Variants in CCDC175 observed in about 807,000 individuals in gnomAD.
CCDC175 encodes coiled-coil domain containing 175.
In CCDC175, 100 loss-of-function variants were observed where a neutral mutation model predicts 114.6. That is an observed-to-expected ratio of 0.87 (90% CI 0.74 to 1.03). The LOEUF is 1.03. Among genes scored for constraint, CCDC175 ranks in the 50% least tolerant of loss-of-function variants. CCDC175 has a pLI of 0.00. For synonymous variants in CCDC175, 306 were observed against 308.7 expected (o/e 0.99, Z 0.09); for missense variants, 880 against 917.8 (o/e 0.96, Z 0.53).
Position 59,558,829 on chromosome 14 carries a change from G to A in CCDC175, c.953+2290C>T, listed in dbSNP as rs115643722. ...CACGAGACTGAATAAAATCACATTG[G>A]GAGGGTATGAGCAGAGAATAGTGAA... On this transcript the variant is annotated intron_variant, in intron 7 of 19. Coordinates refer to ENST00000537690, the MANE Select transcript of CCDC175 (RefSeq NM_001164399.2). Among the ~76,000 whole-genome samples, 606 of 152,208 alleles carry A rather than the reference G, an allele frequency of 4.0e-3. 2 individuals are homozygous for A. The highest frequency in any genetic ancestry group is 0.014 in the African/African-American group (567 of 41,542).
intron 19 of CCDC175, among the ~76,000 whole-genome samples, chr14:59,509,059 G>C (rs188922858): frequency 1.3e-5 from 2 of 152,146 alleles, no homozygotes; most frequent in African/African-American, 4.8e-5. Flanking sequence ...TTATCCATCA[G>C]ACCTCAAAAT....
intron 16 of CCDC175, among the ~76,000 whole-genome samples, chr14:59,522,554 T>C (rs922471503): frequency 2.0e-5 from 3 of 152,232 alleles, no homozygotes; most frequent in African/African-American, 7.2e-5. Context: ...ACTCTTGTGC[T>C]TCTCCCAAAC....
intron 18 of CCDC175, among the ~76,000 whole-genome samples, chr14:59,511,548 T>TAAAAAAAAAAAAAAAAAAA (rs34490884): frequency 2.1e-5 from 2 of 94,648 alleles, no homozygotes; most frequent in East Asian, 3.0e-4. Flanking sequence ...TGATATTTGG[T>TAAAAAAAAAAAAAAAAAAA]AAAAAAAAAA....
chr14:59,540,792 G>C (rs141809231), intron 10 of CCDC175, 46 bp from the exon 11 acceptor site: 3 of 1,425,072 alleles, frequency 2.1e-6, no homozygotes, highest in East Asian at 5.0e-5. Context: ...GGAGCTGTTA[G>C]AATATACAAT....
At chr14:59,505,445 T>G in intron 19 of CCDC175, 130 bp from the exon 20 acceptor site, 1 of 334,234 alleles carries the variant, frequency 3.0e-6, no homozygotes, top group Non-Finnish European at 4.9e-6. Flanking sequence ...CGGGGTAGAG[T>G]AGGGAGGGGT....
chr14:59,571,668 T>C (rs1896857986), intron 3 of CCDC175, among the ~76,000 whole-genome samples: 2 of 152,212 alleles, frequency 1.3e-5, no homozygotes, highest in Admixed American at 6.5e-5. Flanking sequence ...CCCTTGTGCA[T>C]TGTTGGTGGA....
Position 59,512,806 on chromosome 14 carries a change from GT to G in CCDC175, c.2099-1004del, listed in dbSNP as rs1256640188. On this transcript the variant is annotated intron_variant, in intron 17 of 19. Coordinates refer to ENST00000537690, the MANE Select transcript of CCDC175 (RefSeq NM_001164399.2). ...AAACCCAATTAAGATCTCAGCAGGGGTGTGTGTGTGTGTGTGTGTGTGTGTG... is the reference window on the plus strand; with the variant it reads ...AAACCCAATTAAGATCTCAGCAGGGGGTGTGTGTGTGTGTGTGTGTGTGTG... Among the ~76,000 whole-genome samples, 11 of 1,762 alleles carry G rather than the reference GT, an allele frequency of 6.2e-3. No homozygotes were observed. In the South Asian group the frequency reaches 0.15, roughly 25 times the overall value. 1.2% of individuals were successfully genotyped at this position (1,762 alleles called of 152,430 possible).
chr14:59,541,903 G>T (rs1023270906), intron 10 of CCDC175, among the ~76,000 whole-genome samples: 6 of 152,158 alleles, frequency 3.9e-5, no homozygotes, highest in Non-Finnish European at 5.9e-5. Context: ...TTTATTAGTA[G>T]TTCGTAGTTT....
Position 59,576,756 on chromosome 14 carries a change from G to A in CCDC175, c.20C>T (p.Thr7Ile), listed in dbSNP as rs1897150957. ...CTTCTCGCCAGCGCCCAGCCCTGGG[G>A]TCCAGGGGCTCAGGGCCATTTTGCC... is the stretch of plus-strand genomic sequence containing the variant. The part of the protein sequence containing the change: MALSPW[T>I]PGLGAGEKLV... The change falls in exon 1 of 20, where the codon ACC becomes ATC. Residue 7 changes from threonine to isoleucine, a missense_variant. Physicochemically the swap from Thr to Ile is moderately conservative, Grantham distance 89 (BLOSUM62 -1). Transcript: ENST00000537690. 3 of 1,459,178 alleles carry A rather than the reference G, an allele frequency of 2.1e-6. No individual in the cohort carries two copies. The highest frequency in any genetic ancestry group is 1.5e-5 in the African/African-American group (1 of 67,550). The allele number at this position is 1,459,178 out of a possible 1,614,324, so 90.4% of individuals were successfully genotyped here.
chr14:59,570,688 G>T (rs982346737), intron 3 of CCDC175, among the ~76,000 whole-genome samples: 1 of 152,108 alleles, frequency 6.6e-6, no homozygotes. Flanking sequence ...ATGAATGCGG[G>T]TGGCAGGCAC....
At chr14:59,520,615 T>C (rs1009016250) in intron 17 of CCDC175, among the ~76,000 whole-genome samples, 3 of 141,978 alleles carry the variant, frequency 2.1e-5, no homozygotes, top group African/African-American at 7.4e-5. Context: ...TTTCGACTGG[T>C]GAATGAATAA....
At chr14:59,556,986 G>A (rs1032610794) in intron 7 of CCDC175, among the ~76,000 whole-genome samples, 5 of 152,162 alleles carry the variant, frequency 3.3e-5, no homozygotes, top group Admixed American at 1.3e-4. Flanking sequence ...GAGAGGATGT[G>A]GAGAAATAGG....
chr14:59,557,785 T>A (rs867621605), intron 7 of CCDC175, among the ~76,000 whole-genome samples: 8 of 152,130 alleles, frequency 5.3e-5, no homozygotes, highest in African/African-American at 9.7e-5. Context: ...TATTTATTTA[T>A]TTATTCTTTC....
chr14:59,572,608 A>G (rs991999035), intron 3 of CCDC175, 94 bp downstream of exon 3: 18 of 649,954 alleles, frequency 2.8e-5, no homozygotes, highest in Non-Finnish European at 4.5e-5. Flanking sequence ...GCTCTATCTT[A>G]CATGAGCAAT....
At position 59,531,831 on chromosome 14, in the gene CCDC175, G is replaced by T. The variant is rs751897072; in HGVS notation, c.1703C>A (p.Ala568Glu). 6.8e-7 allele frequency: 1 copy of T among 1,476,684 alleles called. No individual in the cohort carries two copies. 91.5% of individuals were successfully genotyped at this position (1,476,684 alleles called of 1,614,324 possible). The change falls in exon 14 of 20, where the codon GCA (alanine) becomes GAA (glutamate). Residue 568 changes from alanine to glutamate, a missense_variant. Ala to Glu is a moderately radical substitution (Grantham distance 107). Coordinates refer to ENST00000537690, the MANE Select transcript of CCDC175 (RefSeq NM_001164399.2). ...LVEYLPQLQV[A>E]EQEYKEKRRK... Reference sequence around the variant, plus strand: ...TCTTTTCTCTTTATACTCTTGTTCTGCCACCTGAAGTTGTGGAAGATACTC... The same window carrying T: ...TCTTTTCTCTTTATACTCTTGTTCTTCCACCTGAAGTTGTGGAAGATACTC...
At chr14:59,542,643 T>C (rs1320563901) in intron 10 of CCDC175, among the ~76,000 whole-genome samples, 1 of 152,022 alleles carries the variant, frequency 6.6e-6, no homozygotes, top group African/African-American at 2.4e-5. Context: ...AGAGAAAAGA[T>C]TGAGATATAT....
intron 8 of CCDC175, 141 bp downstream of exon 8, chr14:59,551,214 T>C: frequency 4.1e-6 from 2 of 492,822 alleles, no homozygotes; most frequent in Admixed American, 4.1e-5. Flanking sequence ...AGATAAAATT[T>C]TTTAAATTAC....
At chr14:59,576,482 G>A (rs1897126808) in intron 1 of CCDC175, 137 bp downstream of exon 1, 2 of 803,588 alleles carry the variant, frequency 2.5e-6, no homozygotes, top group East Asian at 6.8e-5. Flanking sequence ...AGCCTCCAAG[G>A]AGCGGGGAGA....
chr14:59,509,928 T>C (rs539656868), intron 19 of CCDC175, among the ~76,000 whole-genome samples: 1 of 152,364 alleles, frequency 6.6e-6, no homozygotes, highest in East Asian at 1.9e-4. Flanking sequence ...ACTTGCCAGA[T>C]GACAGTATTC....
Sources: gnomAD v4.1 joint callset for allele counts (sites outside exome capture counted in the v4.1 genomes callset) on GRCh38, gnomAD v4.1.1 for gene constraint, MANE v1.5 for transcripts, NCBI Gene and HGNC (gene_info 2026-07-23, HGNC 2026-07-21) for gene names.